TLR7: variants seen among roughly 807,000 people sequenced by gnomAD.
TLR7 encodes toll-like receptor 7.
Under a neutral mutation model 38.3 loss-of-function variants are expected in TLR7, and 12 were observed. That is an observed-to-expected ratio of 0.31 (90% CI 0.20 to 0.51). TLR7 has a LOEUF of 0.51. Among genes scored for constraint, TLR7 ranks in the 20% least tolerant of loss-of-function variants. TLR7 has a pLI of 0.98. For missense variants in TLR7, 504 were observed against 743.4 expected (o/e 0.68, Z 3.74); for synonymous variants, 285 against 293.8 (o/e 0.97, Z 0.31).
chrX:12,867,390 G>A (rs1407478519), intron 1 of TLR7, 91 bp from the exon 2 acceptor site: 10 of 376,306 alleles, frequency 2.7e-5, no homozygotes, highest in Admixed American at 8.1e-5. Context: ...TGTTTCAAAC[G>A]CATTTTAAAG....
intron 2 of TLR7, among the ~76,000 whole-genome samples, chrX:12,876,885 A>G (rs902352544): frequency 2.7e-5 from 3 of 109,623 alleles, no homozygotes. Context: ...TTACAAGTCA[A>G]ATTACTGAAA....
intron 2 of TLR7, among the ~76,000 whole-genome samples, chrX:12,871,083 G>A (rs1257706764): frequency 9.0e-6 from 1 of 111,090 alleles, no homozygotes; most frequent in African/African-American, 3.3e-5. Flanking sequence ...TAAGTCTGTT[G>A]GGCTAAAATG....
Position 12,882,210 on chromosome X carries a change from G to A in TLR7, c.4-3302G>A, listed in dbSNP as rs188264350. Among the ~76,000 whole-genome samples the A allele has an allele frequency of 6.6e-4, 74 of 111,909 alleles. 1 individual carries two copies. Among genetic ancestry groups the A allele is most frequent in the African/African-American group, 2.4e-3 (73 of 30,781 alleles). On this transcript the variant is annotated intron_variant, in intron 2 of 2. Coordinates refer to ENST00000380659, the MANE Select transcript of TLR7 (RefSeq NM_016562.4). ...AACACCCTTGATATAAGCAATGGTA[G>A]AGACTTTGGATTTCATTTAAAGTGT...
chrX:12,877,064 C>T (rs1255992462), intron 2 of TLR7, among the ~76,000 whole-genome samples: 1 of 112,091 alleles, frequency 8.9e-6, no homozygotes, highest in Non-Finnish European at 1.9e-5. Context: ...AAGTCTGAAG[C>T]AGGTAGTTTC....
At chrX:12,876,636 T>A (rs2147242479) in intron 2 of TLR7, among the ~76,000 whole-genome samples, 1 of 112,338 alleles carries the variant, frequency 8.9e-6, no homozygotes, top group African/African-American at 3.2e-5. Flanking sequence ...GCCAATATTT[T>A]AAAAAATACA....
intron 2 of TLR7, among the ~76,000 whole-genome samples, chrX:12,879,805 G>C (rs771947439): frequency 8.9e-6 from 1 of 111,959 alleles, no homozygotes; most frequent in South Asian, 3.7e-4. Flanking sequence ...TTTCACAGTG[G>C]TATATGCCCA....
In TLR7 at chrX:12,885,645, A is replaced by G. The variant is rs766652668; in HGVS notation, c.137A>G (p.His46Arg). ...CDVTLDVPKN[H>R]VIVDCTDKHL... ...GTCACTCTGGATGTTCCAAAGAACC[A>G]TGTGATCGTGGACTGCACAGACAAG... Residue 46 changes from histidine (H) to arginine (R), a missense_variant, in exon 3 of 3, where the codon CAT (histidine) becomes CGT (arginine). Transcript: ENST00000380659. 1 of 1,212,123 alleles carries G rather than the reference A, an allele frequency of 8.2e-7. No homozygotes were observed. The highest frequency in any genetic ancestry group is 1.1e-6 in the Non-Finnish European group (1 of 895,629).
intron 1 of TLR7, 91 bp from the exon 2 acceptor site, chrX:12,867,390 G>C: frequency 2.6e-6 from 1 of 377,752 alleles, no homozygotes; most frequent in Admixed American, 4.0e-5. Context: ...TGTTTCAAAC[G>C]CATTTTAAAG....
intron 2 of TLR7, among the ~76,000 whole-genome samples, chrX:12,872,776 G>A (rs1006783614): frequency 2.8e-5 from 3 of 108,714 alleles, no homozygotes; most frequent in Non-Finnish European, 3.8e-5. Flanking sequence ...CAGTTCTTAC[G>A]CCCTCCAGCA....
At chrX:12,872,558 GGAGA>G (rs373180783) in intron 2 of TLR7, among the ~76,000 whole-genome samples, 1 of 107,892 alleles carries the variant, frequency 9.3e-6, no homozygotes, top group Non-Finnish European at 1.9e-5. Flanking sequence ...GGAGAAACAG[GGAGA>G]GAGAGAGAGA....
rs777425233 is a variant in TLR7, at chrX:12,872,775, C to T, written c.3+5194C>T. On this transcript the variant is annotated intron_variant, in intron 2 of 2. Transcript: ENST00000380659. The stretch of plus-strand genomic sequence containing the variant: ...ATATCTGGTGTTCGGCCAGTTCTTA[C>T]GCCCTCCAGCACTGCTACCTGGGAC... 2.1e-4 allele frequency among the ~76,000 whole-genome samples: 23 copies of T among 109,154 alleles called. 1 individual carries two copies. The highest frequency in any genetic ancestry group is 7.3e-4 in the African/African-American group (22 of 30,014). The allele number at this position is 109,154 out of a possible 115,157, so 94.8% of individuals were successfully genotyped here.
In TLR7 at chrX:12,886,163, G is replaced by A. The variant is rs149314023; in HGVS notation, c.655G>A (p.Val219Ile). ...LSLKDNNVTA[V>I]PTVLPSTLTE... is the part of the protein sequence containing the mutation. ...CCTGAAAGATAACAATGTCACAGCCGTCCCTACTGTTTTGCCATCTACTTT... is the reference window on the plus strand; with the variant it reads ...CCTGAAAGATAACAATGTCACAGCCATCCCTACTGTTTTGCCATCTACTTT... The change falls in exon 3 of 3, where the codon GTC (valine) becomes ATC (isoleucine). Residue 219 changes from valine to isoleucine, a missense_variant. Physicochemically the swap from Val to Ile is conservative, Grantham distance 29. Coordinates refer to ENST00000380659, the MANE Select transcript of TLR7 (RefSeq NM_016562.4). 1.3e-3 allele frequency: 1,536 copies of A among 1,209,655 alleles called. 16 individuals carry two copies. In the Admixed American group the frequency reaches 0.026, roughly 20 times the overall value.
At chrX:12,882,130 A>G (rs2042894570) in intron 2 of TLR7, among the ~76,000 whole-genome samples, 1 of 111,873 alleles carries the variant, frequency 8.9e-6, no homozygotes, top group Non-Finnish European at 1.9e-5. Context: ...GATGGCTGAT[A>G]TGTGGTAAAG....
intron 2 of TLR7, among the ~76,000 whole-genome samples, chrX:12,872,714 T>C (rs757940189): frequency 9.1e-6 from 1 of 110,456 alleles, no homozygotes; most frequent in East Asian, 2.9e-4. Context: ...TCCAAGAACT[T>C]TGAAGTCATA....
At chrX:12,874,439 A>T (rs2042863890) in intron 2 of TLR7, among the ~76,000 whole-genome samples, 1 of 112,133 alleles carries the variant, frequency 8.9e-6, no homozygotes, top group Admixed American at 9.5e-5. Flanking sequence ...GGTTTATGGT[A>T]GTTTGAAGCT....
chrX:12,871,525 C>T (rs1292310141), intron 2 of TLR7, among the ~76,000 whole-genome samples: 1 of 112,201 alleles, frequency 8.9e-6, no homozygotes, highest in Non-Finnish European at 1.9e-5. Flanking sequence ...GCAGCCATCC[C>T]CTCTGGTTTC....
In TLR7 at chrX:12,888,073, G is replaced by T; in HGVS notation, c.2565G>T (p.Val855=). The change falls in exon 3 of 3, where the codon GTG becomes GTT. Residue 855 remains valine (V), a synonymous_variant. Transcript: ENST00000380659. ...LSISVSLFLM[V]MMTASHLYFW... is the part of the protein sequence containing the mutation. ...TATCTGTATCTCTCTTTCTCATGGT[G>T]ATGATGACAGCAAGTCACCTCTATT... The T allele has an allele frequency of 8.3e-7, 1 of 1,211,360 alleles. No individual in the cohort carries two copies. The highest frequency in any genetic ancestry group is 1.8e-5 in the South Asian group (1 of 56,969).
chrX:12,882,551 G>A (rs1292049339), intron 2 of TLR7, among the ~76,000 whole-genome samples: 2 of 111,773 alleles, frequency 1.8e-5, no homozygotes, highest in African/African-American at 3.3e-5. Context: ...GGTGTGTTAA[G>A]GCCAGTGGCG....
Position 12,885,765 on chromosome X carries a change from A to T in TLR7, c.257A>T (p.His86Leu), listed in dbSNP as rs200654867. The T allele has an allele frequency of 9.1e-6, 11 of 1,212,046 alleles. No individual in the cohort carries two copies. In the South Asian group the frequency reaches 1.4e-4, roughly 15 times the overall value. Reference sequence around the variant, plus strand: ...CCAGACATCTCCCCAGCGTCCTTTCACAGACTGGACCATCTGGTAGAGATC... The same window carrying T: ...CCAGACATCTCCCCAGCGTCCTTTCTCAGACTGGACCATCTGGTAGAGATC... ...HIPDISPASF[H>L]RLDHLVEIDF... The change falls in exon 3 of 3, where the codon CAC becomes CTC. Residue 86 changes from histidine to leucine, a missense_variant. By Grantham distance (99) the His-to-Leu change is moderately conservative (BLOSUM62 -3). Coordinates refer to ENST00000380659, the MANE Select transcript of TLR7 (RefSeq NM_016562.4).
Sources: gnomAD v4.1 joint callset for allele counts (sites outside exome capture counted in the v4.1 genomes callset) on GRCh38, gnomAD v4.1.1 for gene constraint, MANE v1.5 for transcripts, NCBI Gene and HGNC (gene_info 2026-07-23, HGNC 2026-07-21) for gene names.